ITGBL1: variants seen among roughly 807,000 people sequenced by gnomAD.
The protein encoded by ITGBL1 is integrin subunit beta like 1.
A neutral mutation model predicts 68.5 loss-of-function variants in ITGBL1; 51 were observed. The observed-to-expected ratio is 0.74, with a 90% CI of 0.59 to 0.94. ITGBL1 has a LOEUF of 0.94. Ranked by LOEUF, ITGBL1 falls within the 40% of genes least tolerant of loss-of-function variation. ITGBL1 has a pLI of 0.00. For missense variants in ITGBL1, 649 were observed against 647.4 expected (o/e 1.00, Z -0.03); for synonymous variants, 209 against 227.3 (o/e 0.92, Z 0.72).
chr13:101,625,923 T>C (rs2031759446), intron 7 of ITGBL1, among the ~76,000 whole-genome samples: 1 of 152,196 alleles, frequency 6.6e-6, no homozygotes, highest in African/African-American at 2.4e-5. Flanking sequence ...ACATGTATTT[T>C]TCATCAACCC....
chr13:101,618,471 CT>C (rs1308266119), intron 7 of ITGBL1, among the ~76,000 whole-genome samples: 2 of 152,058 alleles, frequency 1.3e-5, no homozygotes, highest in Non-Finnish European at 2.9e-5. Context: ...ATTAAAAGAC[CT>C]TAGATGAAAG....
intron 7 of ITGBL1, among the ~76,000 whole-genome samples, chr13:101,633,491 C>A (rs1305234892): frequency 1.3e-5 from 2 of 152,134 alleles, no homozygotes; most frequent in Non-Finnish European, 2.9e-5. Context: ...GCATGTTGCC[C>A]TGTGACTTCT....
chr13:101,597,090 T>C (rs568726795), intron 6 of ITGBL1, among the ~76,000 whole-genome samples: 2 of 152,310 alleles, frequency 1.3e-5, no homozygotes, highest in Admixed American at 1.3e-4. Context: ...GATGTGTCAA[T>C]GTACGCTCAT....
chr13:101,523,694 A>G (rs1007810269), intron 2 of ITGBL1, among the ~76,000 whole-genome samples: 2 of 151,102 alleles, frequency 1.3e-5, no homozygotes, highest in African/African-American at 4.9e-5. Context: ...ACTTGACAAC[A>G]CTTCGAACTT....
chr13:101,617,326 T>C (rs2031405632), intron 7 of ITGBL1, among the ~76,000 whole-genome samples: 1 of 152,098 alleles, frequency 6.6e-6, no homozygotes, highest in Admixed American at 6.6e-5. Flanking sequence ...CACTGAAGTT[T>C]CTTTTAAGGA....
intron 2 of ITGBL1, among the ~76,000 whole-genome samples, chr13:101,530,198 G>T (rs2139157249): frequency 6.6e-6 from 1 of 152,066 alleles, no homozygotes; most frequent in African/African-American, 2.4e-5. Flanking sequence ...TCTTAGTGTA[G>T]AACTATGACT....
chr13:101,696,690 T>C (rs2034010340), intron 8 of ITGBL1, among the ~76,000 whole-genome samples: 1 of 152,146 alleles, frequency 6.6e-6, no homozygotes, highest in Non-Finnish European at 1.5e-5. Flanking sequence ...GTATTGAGAG[T>C]GTCCCTGTGT....
At chr13:101,626,458 A>T (rs1594939108) in intron 7 of ITGBL1, among the ~76,000 whole-genome samples, 1 of 152,294 alleles carries the variant, frequency 6.6e-6, no homozygotes, top group Admixed American at 6.5e-5. Context: ...GGACTGATTG[A>T]TGTGAGTCCC....
intron 2 of ITGBL1, among the ~76,000 whole-genome samples, chr13:101,465,526 G>A (rs2048371800): frequency 1.3e-5 from 2 of 151,998 alleles, no homozygotes; most frequent in East Asian, 1.9e-4. Context: ...CATCTCAGAA[G>A]GAAGAAAAAA....
intron 2 of ITGBL1, among the ~76,000 whole-genome samples, chr13:101,509,198 G>T (rs1350000703): frequency 6.6e-6 from 1 of 152,046 alleles, no homozygotes; most frequent in Non-Finnish European, 1.5e-5. Flanking sequence ...GGCAAAGAGA[G>T]TTGTTCATGG....
Position 101,715,490 on chromosome 13 carries a change from T to C in ITGBL1, c.1394-73T>C, listed in dbSNP as rs954749880. On this transcript the variant is annotated intron_variant, in intron 10 of 10. Coordinates refer to ENST00000376180, the MANE Select transcript of ITGBL1 (RefSeq NM_004791.3). Reference sequence around the variant, plus strand: ...GAAATGATTTCATTGTGGACACTTGTGATTTATAATAGCATGTTTAAATTT... The same window carrying C: ...GAAATGATTTCATTGTGGACACTTGCGATTTATAATAGCATGTTTAAATTT... The C allele has an allele frequency of 4.0e-6, 4 of 999,808 alleles. No individual in the cohort carries two copies. In the African/African-American group the frequency reaches 6.3e-5, roughly 16 times the overall value. The allele number at this position is 999,808 out of a possible 1,614,324, so 61.9% of individuals were successfully genotyped here. A position where few individuals can be genotyped will look rare whatever the true frequency, so the allele number is the denominator to read the frequency against.
chr13:101,471,953 A>C (rs1238882757), intron 2 of ITGBL1, among the ~76,000 whole-genome samples: 1 of 152,192 alleles, frequency 6.6e-6, no homozygotes, highest in Non-Finnish European at 1.5e-5. Flanking sequence ...TAAACATCTG[A>C]CATTTAAATT....
chr13:101,604,882 A>ATGTGTG (rs1176741604), intron 7 of ITGBL1, among the ~76,000 whole-genome samples: 1 of 64,578 alleles, frequency 1.5e-5, no homozygotes, highest in African/African-American at 5.7e-5. Flanking sequence ...ATATATATAT[A>ATGTGTG]TATATACACA....
At chr13:101,502,243 G>A (rs1184143757) in intron 2 of ITGBL1, among the ~76,000 whole-genome samples, 1 of 152,054 alleles carries the variant, frequency 6.6e-6, no homozygotes, top group East Asian at 1.9e-4. Flanking sequence ...CACACATTAA[G>A]GAAACCACAT....
At chr13:101,689,542 T>C (rs1235154053) in intron 7 of ITGBL1, among the ~76,000 whole-genome samples, 1 of 151,506 alleles carries the variant, frequency 6.6e-6, no homozygotes, top group Non-Finnish European at 1.5e-5. Context: ...GAGGCGGAGG[T>C]TGCAGTGAGC....
At chr13:101,583,607 A>C (rs1437108949) in intron 6 of ITGBL1, among the ~76,000 whole-genome samples, 1 of 152,136 alleles carries the variant, frequency 6.6e-6, no homozygotes, top group Non-Finnish European at 1.5e-5. Context: ...CTTATTTCAC[A>C]TTGCATGCCC....
intron 7 of ITGBL1, among the ~76,000 whole-genome samples, chr13:101,619,873 GC>G (rs1203624592): frequency 1.3e-5 from 2 of 151,942 alleles, no homozygotes; most frequent in African/African-American, 4.8e-5. Flanking sequence ...TTTCTTCTTG[GC>G]TTTTTTCTTG....
downstream of ITGBL1, chr13:101,718,019 T>C (rs1203454190): frequency 1.3e-5 from 2 of 152,146 alleles, no homozygotes; most frequent in African/African-American, 4.8e-5. Context: ...GAAATTATCA[T>C]ACCATAAAAA....
chr13:101,524,302 T>C (rs1364035437), intron 2 of ITGBL1, among the ~76,000 whole-genome samples: 1 of 151,988 alleles, frequency 6.6e-6, no homozygotes, highest in African/African-American at 2.4e-5. Context: ...TATATAATCA[T>C]CTCATGTTGC....
Sources: gnomAD v4.1 joint callset for allele counts (sites outside exome capture counted in the v4.1 genomes callset) on GRCh38, gnomAD v4.1.1 for gene constraint, MANE v1.5 for transcripts, NCBI Gene and HGNC (gene_info 2026-07-23, HGNC 2026-07-21) for gene names.